The following NOTCH1 variants were observed in gnomAD, a reference collection of about 807,000 sequenced individuals.
The protein encoded by NOTCH1 is notch receptor 1.
In NOTCH1, 37 loss-of-function variants were observed where a neutral mutation model predicts 254.8. That is an observed-to-expected ratio of 0.15 (90% confidence interval 0.11 to 0.19). The LOEUF is 0.19. Ranked by LOEUF, NOTCH1 falls within the 10% of genes least tolerant of loss-of-function variation. The pLI is 1.00. For synonymous variants in NOTCH1, 1,731 were observed against 1,618.1 expected (o/e 1.07, Z -1.68); for missense variants, 2,972 against 3,708.6 (o/e 0.80, Z 5.16).
At position 136,498,950 on chromosome 9, in the gene NOTCH1, G is replaced by A. The variant is rs563053477; in HGVS notation, c.6129C>T (p.Ala2043=). The A allele has an allele frequency of 1.3e-5, 21 of 1,613,562 alleles. No individual in the cohort carries two copies. The highest frequency in any genetic ancestry group is 3.3e-5 in the Admixed American group (2 of 60,014). Reference sequence around the variant, plus strand: ...CCCCGTTCTTCAGGAGCACAACTGCGGCATCCACATTGTTCACGGCGGCGG... The same window carrying A: ...CCCCGTTCTTCAGGAGCACAACTGCAGCATCCACATTGTTCACGGCGGCGG... ...HWAAAVNNVD[A]AVVLLKNGAN... Residue 2043 remains alanine, a synonymous_variant, in exon 33 of 34, where the codon GCC becomes GCT. Transcript: ENST00000651671.
At position 136,505,585 on chromosome 9, in the gene NOTCH1, C is replaced by A. The variant is rs770154932; in HGVS notation, c.4311G>T (p.Gly1437=). 2.5e-6 allele frequency: 4 copies of A among 1,610,472 alleles called. No individual in the cohort carries two copies. In the Admixed American group the frequency reaches 6.7e-5, roughly 27 times the overall value. The change falls in exon 25 of 34, where the codon GGG becomes GGT. Residue 1437 remains glycine (G), a synonymous_variant. Coordinates refer to ENST00000651671, the MANE Select transcript of NOTCH1 (RefSeq NM_017617.5). ...ILDYSFGGGA[G]RDIPPPLIEE... Reference sequence around the variant, plus strand: ...CGATCAGCGGCGGGGGGATGTCGCGCCCGGCCCCACCCCCGAAGCTGTAGT... The same window carrying A: ...CGATCAGCGGCGGGGGGATGTCGCGACCGGCCCCACCCCCGAAGCTGTAGT...
intron 15 of NOTCH1, among the ~76,000 whole-genome samples, chr9:136,511,777 G>A (rs1843185335): frequency 6.6e-6 from 1 of 152,238 alleles, no homozygotes. Flanking sequence ...CAAGGGCTGC[G>A]ATGGAGGGGA....
In NOTCH1 at chr9:136,505,483, C is replaced by T. The variant is rs756867304; in HGVS notation, c.4413G>A (p.Ala1471=). The T allele has an allele frequency of 1.9e-5, 30 of 1,612,772 alleles. No homozygotes were observed. The highest frequency in any genetic ancestry group is 3.3e-5 in the Admixed American group (2 of 60,012). Residue 1471 remains alanine (A), a synonymous_variant, in exon 25 of 34, where the codon GCG becomes GCA. Transcript: ENST00000651671. The part of the protein sequence containing the change: ...KVCSLQCNNH[A]CGWDGGDCSL... ...AGCAGTCACCGCCGTCCCAGCCGCA[C>T]GCGTGGTTGTTGCACTGCAGGCTGC...
At chr9:136,499,337 C>A (rs112987283) in intron 31 of NOTCH1, 78 bp from the exon 32 acceptor site, 367 of 1,561,550 alleles carry the variant, frequency 2.4e-4, no homozygotes, top group Non-Finnish European at 3.0e-4. Context: ...AACGCCTGGA[C>A]GGGAAGCCCC....
chr9:136,509,522 G>A (rs971873976), intron 18 of NOTCH1, among the ~76,000 whole-genome samples: 4 of 152,306 alleles, frequency 2.6e-5, no homozygotes, highest in East Asian at 3.9e-4. Context: ...ACAGACTACC[G>A]GCGCTCCTGG....
chr9:136,545,697 T>C lies in NOTCH1; in HGVS notation c.61+29A>G, dbSNP rs1352381898. On this transcript the variant is annotated intron_variant, in intron 1 of 33. Coordinates refer to ENST00000651671, the MANE Select transcript of NOTCH1 (RefSeq NM_017617.5). This position sits in a 1 kb window ranked among gnomAD's most constrained non-coding sequence, Gnocchi z 6.8. The stretch of plus-strand genomic sequence containing the variant: ...CAAAGTTTCCAAAGGGCGCGGAAAG[T>C]GGGGGCTCGCGGGTGGGTGGGCGCC... The C allele has an allele frequency of 1.4e-6, 2 of 1,380,374 alleles. No homozygotes were observed. The highest frequency in any genetic ancestry group is 2.8e-5 in the Admixed American group (1 of 35,382). 85.5% of individuals were successfully genotyped at this position (1,380,374 alleles called of 1,614,324 possible).
chr9:136,524,084 C>T (rs1843421105), intron 2 of NOTCH1, 105 bp from the exon 3 acceptor site: 9 of 1,432,030 alleles, frequency 6.3e-6, no homozygotes, highest in Non-Finnish European at 8.5e-6. Flanking sequence ...CCCCCCACAC[C>T]CCGGGCACGG....
Position 136,496,049 on chromosome 9 carries a change from GGGGTCTCGT to G in NOTCH1, c.*13_*21del. ...GCCCGAAGGCTTGGGAAAGGAAGCC[GGGGTCTCGT>G]GGGGCGCGCCGTTTACTTGAAGGCC... On this transcript the variant is annotated 3_prime_UTR_variant, in exon 34 of 34. Coordinates refer to ENST00000651671, the MANE Select transcript of NOTCH1 (RefSeq NM_017617.5). 6.3e-7 allele frequency: 1 copy of G among 1,587,782 alleles called. No homozygotes were observed. Among genetic ancestry groups the G allele is most frequent in the Non-Finnish European group, 8.5e-7 (1 of 1,174,242 alleles).
Position 136,506,290 on chromosome 9 carries a change from G to C in NOTCH1, c.4014+237C>G, listed in dbSNP as rs1843083198. On this transcript the variant is annotated intron_variant, in intron 24 of 33. Transcript: ENST00000651671. The surrounding 1 kb of genome is among the most constrained non-coding windows in gnomAD (Gnocchi z 4.5). ...AATTGATGCAAGCTGCTAACCAGGG[G>C]AACTGCGTGCAGGGGACAGCCACCC... Among the ~76,000 whole-genome samples, 1 of 151,998 alleles carries C rather than the reference G, an allele frequency of 6.6e-6. No homozygotes were observed. Among genetic ancestry groups the C allele is most frequent in the African/African-American group, 2.4e-5 (1 of 41,332 alleles).
At chr9:136,525,073 T>C (rs1284069009) in intron 2 of NOTCH1, among the ~76,000 whole-genome samples, 6 of 152,290 alleles carry the variant, frequency 3.9e-5, no homozygotes, top group Middle Eastern at 3.4e-3. Context: ...CCTTTCGGCA[T>C]TGAGTCTTCA....
chr9:136,525,555 G>A (rs941274436), intron 2 of NOTCH1, among the ~76,000 whole-genome samples: 4 of 152,224 alleles, frequency 2.6e-5, no homozygotes, highest in Non-Finnish European at 5.9e-5. Context: ...GATGTACAGA[G>A]GGAACCGTCC....
rs930666340 is a variant in NOTCH1 at position 136,523,325 on chromosome 9, C to T, written c.404-137G>A. 26 of 931,562 alleles carry T rather than the reference C, an allele frequency of 2.8e-5. No individual in the cohort carries two copies. In the Middle Eastern group the frequency reaches 9.5e-4, roughly 34 times the overall value. 57.7% of individuals were successfully genotyped at this position (931,562 alleles called of 1,614,324 possible). A position where few individuals can be genotyped will look rare whatever the true frequency, so the allele number is the denominator to read the frequency against. On this transcript the variant is annotated intron_variant, in intron 3 of 33. Coordinates refer to ENST00000651671, the MANE Select transcript of NOTCH1 (RefSeq NM_017617.5). ...ATCACATTTGATCCTCAGGACCTGC[C>T]GTGAGACCGGTCGCCTTTGGCAGAT...
Position 136,505,552 on chromosome 9 carries a change from C to T in NOTCH1, c.4344G>A (p.Ala1448=), listed in dbSNP as rs763497791. Residue 1448 remains alanine, a synonymous_variant, in exon 25 of 34, where the codon GCG becomes GCA. Coordinates refer to ENST00000651671, the MANE Select transcript of NOTCH1 (RefSeq NM_017617.5). ...CCTCCTGGCACTCGGGCAGCTCGCA[C>T]GCCTCCTCGATCAGCGGCGGGGGGA... is the stretch of plus-strand genomic sequence containing the variant. ...RDIPPPLIEE[A]CELPECQEDA... 2.1e-5 allele frequency: 34 copies of T among 1,611,440 alleles called. No individual in the cohort carries two copies. The highest frequency in any genetic ancestry group is 1.6e-4 in the Middle Eastern group (1 of 6,084).
At chr9:136,514,858 C>T (rs1722162186) in intron 12 of NOTCH1, among the ~76,000 whole-genome samples, 156 bp from the exon 13 acceptor site, 1 of 152,192 alleles carries the variant, frequency 6.6e-6, no homozygotes, top group Non-Finnish European at 1.5e-5. Flanking sequence ...GTGCCATGTG[C>T]CAGCCTCCCC....
chr9:136,546,027 C>A lies in NOTCH1; in HGVS notation c.-241G>T. 1 of 153,828 alleles carries A rather than the reference C, an allele frequency of 6.5e-6. No homozygotes were observed. The highest frequency in any genetic ancestry group is 1.8e-4 in the South Asian group (1 of 5,676). The allele number at this position is 153,828 out of a possible 1,614,324, so 9.5% of individuals were successfully genotyped here. A position where few individuals can be genotyped will look rare whatever the true frequency, so the allele number is the denominator to read the frequency against. On this transcript the variant is annotated 5_prime_UTR_variant, in exon 1 of 34. It adds an upstream start codon to the 5' untranslated region. Coordinates refer to ENST00000651671, the MANE Select transcript of NOTCH1 (RefSeq NM_017617.5). ...CCCGCGCCCCGCGCCCTTGCGCTCC[C>A]TCCCGCGGCCGAGGCACTAGTGAGG... is the stretch of plus-strand genomic sequence containing the variant.
chr9:136,543,426 C>T, intron 2 of NOTCH1: 1 of 253,862 alleles, frequency 3.9e-6, no homozygotes. Context: ...GGAGGCATCA[C>T]CCGCCCAGGA....
intron 15 of NOTCH1, among the ~76,000 whole-genome samples, 195 bp downstream of exon 15, chr9:136,512,826 C>T (rs1051378726): frequency 1.8e-4 from 28 of 152,146 alleles, no homozygotes; most frequent in African/African-American, 5.8e-4. Flanking sequence ...GCCTAAGGCA[C>T]TCAGTGAGGC....
At chr9:136,544,753 T>C (rs939821088) in intron 1 of NOTCH1, among the ~76,000 whole-genome samples, 2 of 151,888 alleles carry the variant, frequency 1.3e-5, no homozygotes, top group East Asian at 3.9e-4. Context: ...CGACACCCAA[T>C]ACCTGCCTCC....
At chr9:136,516,830 G>A (rs531694585) in intron 9 of NOTCH1, among the ~76,000 whole-genome samples, 44 of 152,146 alleles carry the variant, frequency 2.9e-4, no homozygotes, top group African/African-American at 7.2e-4. Context: ...CCCTTCCTTC[G>A]GGGAAGTCTG....
Sources: gnomAD v4.1 joint callset for allele counts (sites outside exome capture counted in the v4.1 genomes callset) on GRCh38, gnomAD v4.1.1 for gene constraint, Gnocchi (gnomAD v3.1) non-coding constraint, MANE v1.5 for transcripts, NCBI Gene and HGNC (gene_info 2026-07-23, HGNC 2026-07-21) for gene names.